Variants in GALNT13 observed in about 807,000 individuals in gnomAD.
GALNT13 encodes the protein UDP-GalNAc:polypeptide N-acetylgalactosaminyltransferase 13.
Under a neutral mutation model 64.2 loss-of-function variants are expected in GALNT13, and 28 were observed. The observed-to-expected ratio is 0.44, with a 90% CI of 0.32 to 0.60. The LOEUF (loss-of-function observed/expected upper bound fraction) is 0.60, where lower values mean the gene tolerates loss of function less well. Among genes scored for constraint, GALNT13 ranks in the 20% least tolerant of loss-of-function variants. The pLI, the probability that GALNT13 is intolerant of heterozygous loss-of-function variation, is 0.05. For synonymous variants in GALNT13, 214 were observed against 224.6 expected, an observed-to-expected ratio of 0.95 and a Z score of 0.42; for missense variants, 577 against 669.8, an observed-to-expected ratio of 0.86 and a Z score of 1.53.
At chr2:153,679,500 T>C in the GALNT13 span, among the ~76,000 whole-genome samples, 1 of 151,930 alleles carries the variant, frequency 6.6e-6, no homozygotes, top group Non-Finnish European at 1.5e-5. Flanking sequence ...AAAATGTACA[T>C]GCATTATGCA....
chr2:154,124,174 A>T (rs1271982383), intron 3 of GALNT13, among the ~76,000 whole-genome samples: 2 of 151,972 alleles, frequency 1.3e-5, no homozygotes, highest in East Asian at 1.9e-4. Flanking sequence ...TTTAAAAGAG[A>T]TTTAATCATT....
chr2:154,456,197 G>GTTA (rs1702031408), downstream of GALNT13, among the ~76,000 whole-genome samples: 2 of 146,816 alleles, frequency 1.4e-5, no homozygotes, highest in African/African-American at 5.0e-5. Flanking sequence ...TTGTTTTGTT[G>GTTA]TTGTTGTTGT....
chr2:154,369,704 A>G (rs1697573558), intron 9 of GALNT13, among the ~76,000 whole-genome samples: 1 of 152,172 alleles, frequency 6.6e-6, no homozygotes, highest in African/African-American at 2.4e-5. Context: ...TTCGAATCAC[A>G]GCAGGCTGCT....
At chr2:153,796,098 C>T in the GALNT13 span, among the ~76,000 whole-genome samples, 1 of 152,182 alleles carries the variant, frequency 6.6e-6, no homozygotes, top group Non-Finnish European at 1.5e-5. Flanking sequence ...CACATACTTG[C>T]TACTTTAGCA....
chr2:153,833,157 G>A, the GALNT13 span, among the ~76,000 whole-genome samples: 1 of 152,126 alleles, frequency 6.6e-6, no homozygotes, highest in Admixed American at 6.6e-5. Context: ...TAGTCATTTA[G>A]TAGCCCTTTT....
chr2:154,168,175 A>G (rs550275458), intron 4 of GALNT13, among the ~76,000 whole-genome samples: 2 of 152,110 alleles, frequency 1.3e-5, no homozygotes, highest in Non-Finnish European at 2.9e-5. Flanking sequence ...AGCATGTCAC[A>G]GAGAGATTTA....
chr2:153,126,189 A>G, the GALNT13 span, among the ~76,000 whole-genome samples: 1 of 151,626 alleles, frequency 6.6e-6, no homozygotes, highest in Non-Finnish European at 1.5e-5. Context: ...CATGGACAGT[A>G]ACTTGGAACT....
chr2:153,131,846 T>C, the GALNT13 span, among the ~76,000 whole-genome samples: 8 of 151,906 alleles, frequency 5.3e-5, no homozygotes, highest in Non-Finnish European at 1.2e-4. Context: ...TATGAGTAAA[T>C]TGATGAGTGA....
At chr2:153,226,460 A>G in the GALNT13 span, among the ~76,000 whole-genome samples, 23 of 152,324 alleles carry the variant, frequency 1.5e-4, no homozygotes, top group African/African-American at 5.0e-4. Context: ...GACAAACACT[A>G]TCTGAGTCAG....
the GALNT13 span, among the ~76,000 whole-genome samples, chr2:153,180,306 C>T: frequency 5.9e-5 from 9 of 152,154 alleles, no homozygotes; most frequent in African/African-American, 1.9e-4. Flanking sequence ...GTTTTTCATT[C>T]TGTTAATGTA....
chr2:153,317,502 T>C, the GALNT13 span, among the ~76,000 whole-genome samples: 15 of 152,228 alleles, frequency 9.9e-5, no homozygotes, highest in Non-Finnish European at 2.1e-4. Flanking sequence ...TTTCTGATTC[T>C]TTTAAATGAA....
At chr2:153,499,413 A>T in the GALNT13 span, among the ~76,000 whole-genome samples, 1 of 151,664 alleles carries the variant, frequency 6.6e-6, no homozygotes, top group Non-Finnish European at 1.5e-5. Flanking sequence ...GTAAGTTCTC[A>T]CTCTGGTTTA....
At chr2:153,637,218 G>A in the GALNT13 span, among the ~76,000 whole-genome samples, 1,687 of 152,116 alleles carry the variant, frequency 0.011, 33 homozygotes, top group African/African-American at 0.037. Flanking sequence ...ATGAATGAGC[G>A]TATCTATATG....
the GALNT13 span, among the ~76,000 whole-genome samples, chr2:153,256,215 T>C: frequency 6.6e-6 from 1 of 151,634 alleles, no homozygotes; most frequent in Admixed American, 6.6e-5. Flanking sequence ...ATTTCATTCA[T>C]TTCATCTTCC....
chr2:153,506,795 T>C, the GALNT13 span, among the ~76,000 whole-genome samples: 1 of 152,230 alleles, frequency 6.6e-6, no homozygotes, highest in Non-Finnish European at 1.5e-5. Context: ...CTTGACTTTA[T>C]ATAACCTGAT....
the GALNT13 span, among the ~76,000 whole-genome samples, chr2:153,781,455 C>A: frequency 1.0e-3 from 156 of 152,152 alleles, no homozygotes; most frequent in South Asian, 2.3e-3. Flanking sequence ...GATTCATTTT[C>A]TTTCTAGTTG....
At chr2:154,036,024 ACTTGT>A (rs1302076846) in intron 3 of GALNT13, among the ~76,000 whole-genome samples, 19 of 152,084 alleles carry the variant, frequency 1.2e-4, no homozygotes, top group Middle Eastern at 6.8e-3. Context: ...AGTATTTTTA[ACTTGT>A]TTCTAATAAG....
At chr2:153,669,649 G>T in the GALNT13 span, among the ~76,000 whole-genome samples, 1 of 152,136 alleles carries the variant, frequency 6.6e-6, no homozygotes, top group Non-Finnish European at 1.5e-5. Context: ...TCCAACTGTG[G>T]TATCTTGTTC....
the GALNT13 span, among the ~76,000 whole-genome samples, chr2:153,692,491 G>A: frequency 2.0e-5 from 3 of 152,196 alleles, no homozygotes; most frequent in Non-Finnish European, 1.5e-5. Context: ...CTGCCGGTGT[G>A]TTATCGTAAA....
Sources: allele counts gnomAD v4.1 joint callset (sites outside exome capture counted in the v4.1 genomes callset), GRCh38; gene constraint gnomAD v4.1.1; transcripts MANE v1.5; gene names NCBI Gene and HGNC (gene_info 2026-07-23, HGNC 2026-07-21).